The following FARP2 variants were observed in gnomAD, a reference collection of about 807,000 sequenced individuals.
The protein encoded by FARP2 is FERM, ARH/RhoGEF and pleckstrin domain protein 2.
FARP2 carries 111 observed loss-of-function variants against 130.5 expected under a neutral mutation model. The observed-to-expected ratio is 0.85, with a 90% CI of 0.73 to 1.00. FARP2 has a LOEUF of 1.00. FARP2 is among the 50% of genes least tolerant of loss of function. FARP2 has a pLI of 0.00. For synonymous variants in FARP2, 504 were observed against 516.9 expected (o/e 0.98, Z 0.34); for missense variants, 1,385 against 1,346.3 (o/e 1.03, Z -0.45).
intron 13 of FARP2, among the ~76,000 whole-genome samples, chr2:241,447,970 C>A (rs1285236994): frequency 6.6e-6 from 1 of 152,208 alleles, no homozygotes; most frequent in Non-Finnish European, 1.5e-5. Context: ...GCAGGGTGCT[C>A]AGTGAGCACC....
rs770743320 is a variant in FARP2, at chr2:241,463,939, C to T, written c.1852C>T (p.Arg618Ter). Residue 618 changes from arginine (R) to a stop codon, truncating the protein, a stop_gained, in exon 17 of 27, where the codon CGA (arginine) becomes TGA (stop). Transcript: ENST00000264042. LOFTEE classifies it high-confidence loss of function. ...SKAHTKGSHQ[R>*]IGDILLRNMR... is the part of the protein sequence containing the mutation. ...AGCCCACACAAAAGGCAGTCATCAA[C>T]GAATCGGGGACATCCTGCTCAGGAA... 13 of 1,613,948 alleles carry T rather than the reference C, an allele frequency of 8.1e-6. No homozygotes were observed. Among genetic ancestry groups the T allele is most frequent in the East Asian group, 6.7e-5 (3 of 44,892 alleles).
intron 7 of FARP2, among the ~76,000 whole-genome samples, chr2:241,416,931 G>GGTGAGTGA (rs887396670): frequency 6.6e-6 from 1 of 151,706 alleles, no homozygotes; most frequent in African/African-American, 2.4e-5. Flanking sequence ...CGAGTGAGTG[G>GGTGAGTGA]GTGAGTGAGT....
At chr2:241,390,203 T>G (rs1283183316) in intron 2 of FARP2, among the ~76,000 whole-genome samples, 2 of 152,240 alleles carry the variant, frequency 1.3e-5, no homozygotes, top group African/African-American at 4.8e-5. Context: ...CTAGTGGTGC[T>G]TCTCCCCACA....
intron 23 of FARP2, 55 bp from the exon 24 acceptor site, chr2:241,491,461 T>G: frequency 6.3e-7 from 1 of 1,596,810 alleles, no homozygotes; most frequent in Admixed American, 1.7e-5. Context: ...TGGAAGTATT[T>G]GGCAAGCAGA....
intron 2 of FARP2, among the ~76,000 whole-genome samples, chr2:241,400,130 C>A (rs1476502475): frequency 6.6e-6 from 1 of 152,200 alleles, no homozygotes; most frequent in Non-Finnish European, 1.5e-5. Context: ...GCTCCTGGAG[C>A]ACACTCTGGC....
At position 241,466,692 on chromosome 2, in the gene FARP2, C is replaced by G. The variant is rs116571422; in HGVS notation, c.1894-1448C>G. On this transcript the variant is annotated intron_variant, in intron 17 of 26. Coordinates refer to ENST00000264042, the MANE Select transcript of FARP2 (RefSeq NM_014808.4). ...CGCCTTCACTCCCCTTCCAACCACC[C>G]CCCCCCCCACCACCACCACCCGTAC... 3.5e-4 allele frequency: 233 copies of G among 661,216 alleles called. 4 individuals are homozygous for G. The highest frequency in any genetic ancestry group is 9.6e-4 in the Admixed American group (14 of 14,512). The allele number at this position is 661,216 out of a possible 1,614,324, so 41.0% of individuals were successfully genotyped here. A position where few individuals can be genotyped will look rare whatever the true frequency, so the allele number is the denominator to read the frequency against.
intron 1 of FARP2, among the ~76,000 whole-genome samples, chr2:241,369,397 CCTT>C (rs10533259): frequency 0.026 from 3,977 of 152,164 alleles, 406 homozygotes; most frequent in Admixed American, 0.18. Flanking sequence ...CCTAAGAACT[CCTT>C]CTCTGTGTTC....
intron 2 of FARP2, chr2:241,395,683 A>G (rs911695031): frequency 2.6e-5 from 4 of 152,240 alleles, no homozygotes; most frequent in Admixed American, 6.5e-5. Context: ...TTATGGTCAT[A>G]ACAGAAATGT....
chr2:241,458,969 C>T (rs897526084), intron 14 of FARP2, among the ~76,000 whole-genome samples: 5 of 152,332 alleles, frequency 3.3e-5, no homozygotes, highest in Non-Finnish European at 5.9e-5. Flanking sequence ...GAGAAAGATT[C>T]GGCAGCCCTT....
intron 1 of FARP2, among the ~76,000 whole-genome samples, chr2:241,366,126 T>TATATATATATAC (rs1388110315): frequency 2.7e-4 from 2 of 7,320 alleles, no homozygotes; most frequent in Non-Finnish European, 5.8e-4. Flanking sequence ...TATATACGTA[T>TATATATATATAC]ATATATATAT....
At chr2:241,428,781 A>C (rs1574806618) in intron 8 of FARP2, among the ~76,000 whole-genome samples, 1 of 151,918 alleles carries the variant, frequency 6.6e-6, no homozygotes, top group African/African-American at 2.4e-5. Context: ...AGACCCTCAT[A>C]CTCTTTAGCA....
chr2:241,407,460 G>C (rs1183774960), intron 4 of FARP2, 77 bp from the exon 5 acceptor site: 1 of 1,074,800 alleles, frequency 9.3e-7, no homozygotes, highest in African/African-American at 1.6e-5. Flanking sequence ...CATGACCTCA[G>C]TTATACAGTA....
rs538678172 is a variant in FARP2, at chr2:241,447,337, A to G, written c.1411+5781A>G. Among the ~76,000 whole-genome samples the G allele has an allele frequency of 7.0e-4, 107 of 152,240 alleles. 1 individual carries two copies. The highest frequency in any genetic ancestry group is 2.4e-3 in the African/African-American group (100 of 41,552). On this transcript the variant is annotated intron_variant, in intron 13 of 26. Transcript: ENST00000264042. ...CTTGTGCAGATTGTCTTGTTTTAAT[A>G]TGGGTGATGATGTCTGTGGAAGGCC...
intron 11 of FARP2, among the ~76,000 whole-genome samples, chr2:241,435,680 C>G (rs1020482774): frequency 6.6e-6 from 1 of 150,408 alleles, no homozygotes; most frequent in Non-Finnish European, 1.5e-5. Context: ...CCTGGCAAAT[C>G]TTTTGTATTT....
At chr2:241,445,262 AAATC>A (rs926838733) in intron 13 of FARP2, 1 of 152,146 alleles carries the variant, frequency 6.6e-6, no homozygotes, top group Non-Finnish European at 1.5e-5. Context: ...AAAAAAAAAA[AAATC>A]AATCAAGGCT....
Position 241,494,298 on chromosome 2 carries a change from C to A in FARP2, c.*173C>A. 4.8e-6 allele frequency: 2 copies of A among 415,620 alleles called. No individual in the cohort carries two copies. Among genetic ancestry groups the A allele is most frequent in the Admixed American group, 8.9e-5 (2 of 22,550 alleles). The allele number at this position is 415,620 out of a possible 1,614,324, so 25.7% of individuals were successfully genotyped here. A position where few individuals can be genotyped will look rare whatever the true frequency, so the allele number is the denominator to read the frequency against. ...ACATCTGGGAGGGGCTTCATCCCCC[C>A]ACCCAGGACCTAGTGCATGCCAGCA... On this transcript the variant is annotated 3_prime_UTR_variant, in exon 27 of 27. Transcript: ENST00000264042. This position sits in a 1 kb window ranked among gnomAD's most constrained non-coding sequence, Gnocchi z 4.9.
intron 8 of FARP2, among the ~76,000 whole-genome samples, chr2:241,428,987 G>A (rs2063026866): frequency 6.6e-6 from 1 of 152,168 alleles, no homozygotes; most frequent in African/African-American, 2.4e-5. Flanking sequence ...ACTCCTTATG[G>A]CTAAAGGGGT....
At chr2:241,391,135 A>G (rs865962353) in intron 2 of FARP2, among the ~76,000 whole-genome samples, 5 of 152,234 alleles carry the variant, frequency 3.3e-5, no homozygotes, top group African/African-American at 7.2e-5. Context: ...TGAAGAAGAA[A>G]GAAAGGAATT....
At chr2:241,468,739 G>A (rs1203872589) in intron 18 of FARP2, among the ~76,000 whole-genome samples, 1 of 152,256 alleles carries the variant, frequency 6.6e-6, no homozygotes, top group African/African-American at 2.4e-5. Context: ...GGGGAATGGG[G>A]TGCAACCCCC....
Sources: allele counts gnomAD v4.1 joint callset (sites outside exome capture counted in the v4.1 genomes callset), GRCh38; gene constraint gnomAD v4.1.1; non-coding constraint Gnocchi (gnomAD v3.1); transcripts MANE v1.5; gene names NCBI Gene and HGNC (gene_info 2026-07-23, HGNC 2026-07-21).